The following MYO9B variants were observed in gnomAD, a reference collection of about 807,000 sequenced individuals.
The protein encoded by MYO9B is unconventional myosin-IXb.
A neutral mutation model predicts 229.5 loss-of-function variants in MYO9B; 71 were observed. The observed-to-expected ratio is 0.31, with a 90% CI of 0.26 to 0.38. The LOEUF is 0.38. Among genes scored for constraint, MYO9B ranks in the 10% least tolerant of loss-of-function variants. The pLI is 1.00. For missense variants in MYO9B, 2,255 were observed against 2,920.5 expected (o/e 0.77, Z 5.25); for synonymous variants, 1,185 against 1,235.8 (o/e 0.96, Z 0.86).
At chr19:17,093,845 A>G (rs2057662621) in intron 1 of MYO9B, among the ~76,000 whole-genome samples, 1 of 147,032 alleles carries the variant, frequency 6.8e-6, no homozygotes, top group Admixed American at 6.8e-5. Context: ...GGTGTGTGCC[A>G]CTATGCCCAG....
chr19:17,161,221 G>A (rs1354102186), intron 8 of MYO9B, among the ~76,000 whole-genome samples: 5 of 150,022 alleles, frequency 3.3e-5, no homozygotes, highest in African/African-American at 7.4e-5. Flanking sequence ...CCCCCTCCCC[G>A]AGCCCAGGTT....
chr19:17,195,601 G>A lies in MYO9B; in HGVS notation c.4046+128G>A. The A allele has an allele frequency of 1.7e-6, 2 of 1,210,398 alleles. No individual in the cohort carries two copies. Among genetic ancestry groups the A allele is most frequent in the South Asian group, 2.9e-5 (2 of 68,580 alleles). 75.0% of individuals were successfully genotyped at this position (1,210,398 alleles called of 1,614,324 possible). ...CAGTGGGTGTGCGGGAGGCCTGAGGGAGGAGGACGAGCAGGACATGCTAAA... is the reference window on the plus strand; with the variant it reads ...CAGTGGGTGTGCGGGAGGCCTGAGGAAGGAGGACGAGCAGGACATGCTAAA... On this transcript the variant is annotated intron_variant, in intron 22 of 39. Coordinates refer to ENST00000682292, the MANE Select transcript of MYO9B (RefSeq NM_004145.4). This position sits in a 1 kb window ranked among gnomAD's most constrained non-coding sequence, Gnocchi z 4.5.
intron 2 of MYO9B, among the ~76,000 whole-genome samples, chr19:17,124,923 C>T (rs1255655458): frequency 6.6e-6 from 1 of 151,922 alleles, no homozygotes; most frequent in East Asian, 1.9e-4. Flanking sequence ...TAGGAAAGAA[C>T]GGAAGTAAAT....
intron 2 of MYO9B, among the ~76,000 whole-genome samples, chr19:17,110,774 G>C (rs571997485): frequency 6.6e-6 from 1 of 152,268 alleles, no homozygotes; most frequent in South Asian, 2.1e-4. Flanking sequence ...GCCCCCAGCT[G>C]GTGGAGCCAA....
intron 10 of MYO9B, among the ~76,000 whole-genome samples, chr19:17,163,942 G>A (rs1215133415): frequency 2.0e-5 from 3 of 152,116 alleles, no homozygotes; most frequent in Non-Finnish European, 4.4e-5. Context: ...TTTGAACATG[G>A]GTGTGCAAAT....
At chr19:17,167,839 C>A in intron 10 of MYO9B, 104 bp from the exon 11 acceptor site, 1 of 1,428,820 alleles carries the variant, frequency 7.0e-7, no homozygotes, top group Non-Finnish European at 9.4e-7. Flanking sequence ...TGAAGCATTT[C>A]AGATTTTCGG....
intron 1 of MYO9B, among the ~76,000 whole-genome samples, chr19:17,083,652 T>G (rs1391131547): frequency 6.6e-6 from 1 of 151,360 alleles, no homozygotes; most frequent in Non-Finnish European, 1.5e-5. Context: ...CCTCTTTTTT[T>G]TTTTTTTTTT....
chr19:17,149,068 G>A (rs907375010), intron 3 of MYO9B, among the ~76,000 whole-genome samples: 3 of 152,102 alleles, frequency 2.0e-5, no homozygotes, highest in African/African-American at 4.8e-5. Flanking sequence ...TTGAACTCCT[G>A]GAGTCAAGCG....
At chr19:17,189,515 C>T (rs139889250) in intron 19 of MYO9B, among the ~76,000 whole-genome samples, 56 of 151,612 alleles carry the variant, frequency 3.7e-4, no homozygotes, top group African/African-American at 1.4e-3. Context: ...CAATGTACTT[C>T]CAGCTACTTG....
intron 1 of MYO9B, among the ~76,000 whole-genome samples, chr19:17,081,468 G>A (rs1181188882): frequency 2.0e-5 from 3 of 152,034 alleles, no homozygotes; most frequent in African/African-American, 2.4e-5. Flanking sequence ...AATTTTGGAC[G>A]CTCCCTGTTT....
chr19:17,174,296 G>T (rs568873606), intron 13 of MYO9B, among the ~76,000 whole-genome samples: 1 of 152,200 alleles, frequency 6.6e-6, no homozygotes, highest in African/African-American at 2.4e-5. Flanking sequence ...CTCCCAGAGT[G>T]CTGGGATTAC....
intron 1 of MYO9B, among the ~76,000 whole-genome samples, chr19:17,087,515 C>T (rs1223451086): frequency 6.6e-6 from 1 of 152,214 alleles, no homozygotes; most frequent in African/African-American, 2.4e-5. Flanking sequence ...AGGGCTCACC[C>T]AGCTACCTTC....
intron 2 of MYO9B, among the ~76,000 whole-genome samples, chr19:17,140,238 C>A (rs181026764): frequency 6.6e-6 from 1 of 152,242 alleles, no homozygotes; most frequent in African/African-American, 2.4e-5. Context: ...GCTGAAACAA[C>A]AAATATATTC....
intron 1 of MYO9B, among the ~76,000 whole-genome samples, chr19:17,094,290 C>T (rs369377753): frequency 6.6e-6 from 1 of 151,696 alleles, no homozygotes; most frequent in African/African-American, 2.4e-5. Context: ...CCACCTTGGC[C>T]TCTCAAAGTA....
rs2073005986 is a variant in MYO9B, at chr19:17,193,254, G to A, written c.3128+192G>A. 6.6e-6 allele frequency among the ~76,000 whole-genome samples: 1 copy of A among 152,148 alleles called. No individual in the cohort carries two copies. Among genetic ancestry groups the A allele is most frequent in the South Asian group, 2.1e-4 (1 of 4,826 alleles). Reference sequence around the variant, plus strand: ...CAGAGAAGTGCTCCAAGGCTGGCAGGCAGCACTCAGGGACAAAGCCCTGCT... The same window carrying A: ...CAGAGAAGTGCTCCAAGGCTGGCAGACAGCACTCAGGGACAAAGCCCTGCT... On this transcript the variant is annotated intron_variant, in intron 21 of 39. Coordinates refer to ENST00000682292, the MANE Select transcript of MYO9B (RefSeq NM_004145.4). The surrounding 1 kb of genome is among the most constrained non-coding windows in gnomAD (Gnocchi z 4.3).
At chr19:17,143,806 A>G (rs763659730) in intron 2 of MYO9B, among the ~76,000 whole-genome samples, 1 of 152,208 alleles carries the variant, frequency 6.6e-6, no homozygotes, top group Non-Finnish European at 1.5e-5. Context: ...CTGTATTCCC[A>G]GCTATTTGGG....
intron 1 of MYO9B, among the ~76,000 whole-genome samples, chr19:17,091,147 C>A (rs914503838): frequency 1.3e-5 from 2 of 152,200 alleles, no homozygotes; most frequent in African/African-American, 2.4e-5. Context: ...AAGGAGGCTC[C>A]CCAATCCAGG....
At chr19:17,103,870 A>G (rs930718438) in intron 2 of MYO9B, 7 of 152,206 alleles carry the variant, frequency 4.6e-5, no homozygotes, top group African/African-American at 1.4e-4. Context: ...AGCCTGGCCA[A>G]CATGATGAAA....
At chr19:17,097,643 C>G (rs1219531610) in intron 1 of MYO9B, among the ~76,000 whole-genome samples, 4 of 152,186 alleles carry the variant, frequency 2.6e-5, no homozygotes, top group Non-Finnish European at 2.9e-5. Context: ...TCGCCACTCC[C>G]TATCCCTGTG....
Sources: gnomAD v4.1 joint callset for allele counts (sites outside exome capture counted in the v4.1 genomes callset) on GRCh38, gnomAD v4.1.1 for gene constraint, Gnocchi (gnomAD v3.1) non-coding constraint, MANE v1.5 for transcripts, NCBI Gene and HGNC (gene_info 2026-07-23, HGNC 2026-07-21) for gene names.